SCOC: variants seen among roughly 807,000 people sequenced by gnomAD.
SCOC encodes the protein short coiled-coil protein.
A neutral mutation model predicts 9.9 loss-of-function variants in SCOC; 7 were observed. The observed-to-expected ratio is 0.71, with a 90% CI of 0.40 to 1.33. The LOEUF is 1.33. Among genes scored for constraint, SCOC ranks in the 40% most tolerant of loss-of-function variants. The pLI is 0.01. For synonymous variants in SCOC, 19 were observed against 28.2 expected, an observed-to-expected ratio of 0.67 and a Z score of 1.03; for missense variants, 66 against 89.7, an observed-to-expected ratio of 0.74 and a Z score of 1.07.
intron 1 of SCOC, among the ~76,000 whole-genome samples, chr4:140,301,394 A>G (rs979691214): frequency 6.6e-6 from 1 of 150,442 alleles, no homozygotes; most frequent in Non-Finnish European, 1.5e-5. Flanking sequence ...ACTTATATTC[A>G]TAAGATGTAC....
intron 2 of SCOC, among the ~76,000 whole-genome samples, chr4:140,349,518 C>T (rs1726886274): frequency 6.6e-6 from 1 of 152,270 alleles, no homozygotes; most frequent in East Asian, 1.9e-4. Flanking sequence ...GATTCATAAT[C>T]CAATTGCTTG....
intron 2 of SCOC, among the ~76,000 whole-genome samples, chr4:140,359,329 C>G (rs1484999063): frequency 6.6e-6 from 1 of 151,914 alleles, no homozygotes; most frequent in African/African-American, 2.4e-5. Context: ...ATTTTGAGCA[C>G]CTACATATGG....
intron 2 of SCOC, among the ~76,000 whole-genome samples, chr4:140,348,883 CTT>C (rs1423078291): frequency 6.6e-6 from 1 of 152,100 alleles, no homozygotes; most frequent in South Asian, 2.1e-4. Flanking sequence ...TATCTTTCAT[CTT>C]TTTTATAATA....
upstream of SCOC, among the ~76,000 whole-genome samples, chr4:140,338,742 G>A (rs1465819080): frequency 2.6e-5 from 4 of 151,634 alleles, no homozygotes; most frequent in South Asian, 6.3e-4. Flanking sequence ...CAACTTACAA[G>A]GGATATGAAG....
intron 2 of SCOC, among the ~76,000 whole-genome samples, chr4:140,368,444 C>G (rs769506708): frequency 1.5e-4 from 23 of 151,940 alleles, no homozygotes; most frequent in Non-Finnish European, 2.9e-4. Flanking sequence ...GGTATAAATA[C>G]CAATTCTGGG....
chr4:140,258,111 G>A (rs1395902034), intron 1 of SCOC, among the ~76,000 whole-genome samples: 1 of 152,204 alleles, frequency 6.6e-6, no homozygotes, highest in African/African-American at 2.4e-5. Context: ...ACTGTTGCCA[G>A]AGCAGTCTGC....
At chr4:140,309,166 G>A (rs939548884) in intron 1 of SCOC, among the ~76,000 whole-genome samples, 5 of 152,204 alleles carry the variant, frequency 3.3e-5, no homozygotes, top group African/African-American at 9.6e-5. Context: ...TGTTTTACAG[G>A]TGAAGAAACT....
chr4:140,312,725 T>A (rs1732193122), intron 1 of SCOC, among the ~76,000 whole-genome samples: 1 of 152,206 alleles, frequency 6.6e-6, no homozygotes. Flanking sequence ...TGAGCCATAG[T>A]GCCTTGTCCA....
chr4:140,315,879 A>G (rs1732302475), intron 1 of SCOC, among the ~76,000 whole-genome samples: 1 of 152,182 alleles, frequency 6.6e-6, no homozygotes, highest in South Asian at 2.1e-4. Flanking sequence ...TTTATTAGAC[A>G]AGAGAAATAG....
Position 140,381,330 on chromosome 4 carries a change from T to C in SCOC, c.*226T>C, listed in dbSNP as rs1305931562. The C allele has an allele frequency of 3.0e-6, 1 of 336,286 alleles. No individual in the cohort carries two copies. Among genetic ancestry groups the C allele is most frequent in the East Asian group, 5.9e-5 (1 of 16,998 alleles). The allele number at this position is 336,286 out of a possible 1,614,324, so 20.8% of individuals were successfully genotyped here. ...TATTGTAGAGACTTTATGATTAGAATTGCATATATTTATGAAACTTAAAGA... is the reference window on the plus strand; with the variant it reads ...TATTGTAGAGACTTTATGATTAGAACTGCATATATTTATGAAACTTAAAGA... On this transcript the variant is annotated 3_prime_UTR_variant, in exon 4 of 4. Coordinates refer to ENST00000608372, the MANE Select transcript of SCOC (RefSeq NM_001153484.2).
At chr4:140,347,475 G>A (rs552214801) in intron 2 of SCOC, among the ~76,000 whole-genome samples, 12 of 152,182 alleles carry the variant, frequency 7.9e-5, no homozygotes, top group African/African-American at 1.4e-4. Flanking sequence ...TGATGCCACC[G>A]CACGGCTCAG....
chr4:140,293,261 C>T, intron 1 of SCOC: 5 of 455,860 alleles, frequency 1.1e-5, no homozygotes, highest in Non-Finnish European at 1.8e-5. Flanking sequence ...CCCCACATAC[C>T]ACTCAAGATG....
At chr4:140,301,435 T>C (rs988277579) in intron 1 of SCOC, among the ~76,000 whole-genome samples, 9 of 152,222 alleles carry the variant, frequency 5.9e-5, no homozygotes, top group Non-Finnish European at 7.3e-5. Context: ...TCTTCACTGC[T>C]ACATATAATT....
At chr4:140,328,985 T>A (rs1732730800) in intron 1 of SCOC, among the ~76,000 whole-genome samples, 1 of 152,134 alleles carries the variant, frequency 6.6e-6, no homozygotes. Context: ...AGAGCCCACA[T>A]AGCCAAAGCA....
intron 2 of SCOC, among the ~76,000 whole-genome samples, chr4:140,355,376 C>T (rs1727182403): frequency 6.6e-6 from 1 of 151,792 alleles, no homozygotes; most frequent in South Asian, 2.1e-4. Context: ...AATTTATATG[C>T]ATTATCTCAG....
intron 1 of SCOC, among the ~76,000 whole-genome samples, chr4:140,320,379 T>C (rs148633843): frequency 0.028 from 4,304 of 152,316 alleles, 123 homozygotes; most frequent in South Asian, 0.096. Flanking sequence ...TCGGGGCTGC[T>C]CTGTCTATGG....
At chr4:140,297,772 G>T (rs1240338190) in intron 1 of SCOC, among the ~76,000 whole-genome samples, 2 of 152,044 alleles carry the variant, frequency 1.3e-5, no homozygotes, top group African/African-American at 4.8e-5. Context: ...CATCACAGAG[G>T]TGCAGGAGAC....
At chr4:140,299,498 A>T (rs1034658130) in intron 1 of SCOC, among the ~76,000 whole-genome samples, 1 of 152,228 alleles carries the variant, frequency 6.6e-6, no homozygotes, top group Non-Finnish European at 1.5e-5. Context: ...TAGAAGCTAA[A>T]TAGAACACTA....
chr4:140,317,327 C>T (rs1014668745), intron 1 of SCOC, among the ~76,000 whole-genome samples: 2 of 152,256 alleles, frequency 1.3e-5, no homozygotes, highest in African/African-American at 4.8e-5. Flanking sequence ...AGCACAGCAC[C>T]GTGTCCTGGG....
Sources: gnomAD v4.1 joint callset for allele counts (sites outside exome capture counted in the v4.1 genomes callset) on GRCh38, gnomAD v4.1.1 for gene constraint, MANE v1.5 for transcripts, NCBI Gene and HGNC (gene_info 2026-07-23, HGNC 2026-07-21) for gene names.